Variants in RAB44 observed in about 807,000 individuals in gnomAD.
RAB44 encodes the protein RAB44, member RAS oncogene family.
A neutral mutation model predicts 93.3 loss-of-function variants in RAB44; 67 were observed. That is an observed-to-expected ratio of 0.72 (90% CI 0.59 to 0.88). The LOEUF (loss-of-function observed/expected upper bound fraction) is 0.88. Among genes scored for constraint, RAB44 ranks in the 40% least tolerant of loss-of-function variants. RAB44 has a pLI of 0.00. For missense variants in RAB44, 1,064 were observed against 1,261.7 expected, an observed-to-expected ratio of 0.84 and a Z score of 2.37; for synonymous variants, 427 against 520.3, an observed-to-expected ratio of 0.82 and a Z score of 2.44.
At chr6:36,699,552 C>T (rs1380209277) in intron 1 of RAB44, among the ~76,000 whole-genome samples, 1 of 152,186 alleles carries the variant, frequency 6.6e-6, no homozygotes, top group African/African-American at 2.4e-5. Context: ...CACCCCGTTC[C>T]AAAGCCCTTG....
At chr6:36,704,552 A>G (rs1762596902) in intron 2 of RAB44, 110 bp downstream of exon 2, 2 of 988,610 alleles carry the variant, frequency 2.0e-6, no homozygotes, top group Admixed American at 2.3e-5. Flanking sequence ...CCTTTCTCTC[A>G]TTTAGAGCTC....
rs753671581 is a variant in RAB44 at position 36,701,024 on chromosome 6, C to G, written c.-13+3109C>G. Among the ~76,000 whole-genome samples the G allele has an allele frequency of 7.2e-5, 11 of 152,300 alleles. No individual in the cohort carries two copies. In the East Asian group the frequency reaches 2.1e-3, roughly 29 times the overall value. On this transcript the variant is annotated intron_variant, in intron 1 of 13. Coordinates refer to ENST00000612677, the MANE Select transcript of RAB44 (RefSeq NM_001257357.2). ...GGGGTGAGAGATACCGCGTGAAGGCCAGTTAGATTAGCATGGGGACTTCCC... is the reference window on the plus strand; with the variant it reads ...GGGGTGAGAGATACCGCGTGAAGGCGAGTTAGATTAGCATGGGGACTTCCC...
At chr6:36,711,504 A>T (rs1054550259) in intron 2 of RAB44, among the ~76,000 whole-genome samples, 1 of 152,214 alleles carries the variant, frequency 6.6e-6, no homozygotes. Context: ...CATGTTAATT[A>T]TATGGACCTG....
intron 1 of RAB44, among the ~76,000 whole-genome samples, chr6:36,703,844 G>T (rs1762571600): frequency 6.6e-6 from 1 of 152,146 alleles, no homozygotes; most frequent in Non-Finnish European, 1.5e-5. Flanking sequence ...CTAGATCCTG[G>T]AAAACCCTGT....
At chr6:36,708,750 T>A (rs1006469617) in intron 2 of RAB44, among the ~76,000 whole-genome samples, 1 of 152,058 alleles carries the variant, frequency 6.6e-6, no homozygotes, top group Non-Finnish European at 1.5e-5. Flanking sequence ...AGATAGGGAA[T>A]CTCTGTTATC....
chr6:36,702,338 G>GAGA (rs1201118344), intron 1 of RAB44, among the ~76,000 whole-genome samples: 2,728 of 57,696 alleles, frequency 0.047, 29 homozygotes, highest in East Asian at 0.15. Flanking sequence ...GAGAGAGAGA[G>GAGA]AATGTACTTC....
chr6:36,712,616 C>T (rs569194115), intron 2 of RAB44, among the ~76,000 whole-genome samples: 3 of 152,152 alleles, frequency 2.0e-5, no homozygotes, highest in Non-Finnish European at 4.4e-5. Flanking sequence ...CTGCCCGCCT[C>T]GGCCTCTCAA....
intron 10 of RAB44, among the ~76,000 whole-genome samples, chr6:36,727,288 ATATT>A: frequency 6.6e-6 from 1 of 152,224 alleles, no homozygotes; most frequent in Non-Finnish European, 1.5e-5. Context: ...CTCTGGAAAA[ATATT>A]TAAGAAACTG....
Position 36,725,852 on chromosome 6 carries a change from T to G in RAB44, c.2600-10T>G, listed in dbSNP as rs1321596934. On this transcript the variant is annotated splice_polypyrimidine_tract_variant and intron_variant, in intron 9 of 13. Transcript: ENST00000612677. ...ACTTAGTAGGCTTCACCCCTCTCTATGTGTCCTAGGAGTAGATTTTCGGGT... is the reference window on the plus strand; with the variant it reads ...ACTTAGTAGGCTTCACCCCTCTCTAGGTGTCCTAGGAGTAGATTTTCGGGT... The G allele has an allele frequency of 1.9e-6, 3 of 1,548,196 alleles. No individual in the cohort carries two copies. The Admixed American group carries it at 5.9e-5, about 30-fold the overall frequency.
Position 36,722,660 on chromosome 6 carries a change from C to T in RAB44, c.2526C>T (p.Ser842=). Reference sequence around the variant, plus strand: ...TCCATGTCATCTTTCTGGGAGACTCCAACGTGGGCAAAACATCCTTCCTGC... The same window carrying T: ...TCCATGTCATCTTTCTGGGAGACTCTAACGTGGGCAAAACATCCTTCCTGC... ...YLFHVIFLGD[S]NVGKTSFLHL... The change falls in exon 9 of 14, where the codon TCC becomes TCT. Residue 842 remains serine, a synonymous_variant. Coordinates refer to ENST00000612677, the MANE Select transcript of RAB44 (RefSeq NM_001257357.2). The T allele has an allele frequency of 1.3e-6, 2 of 1,550,670 alleles. No individual in the cohort carries two copies. Among genetic ancestry groups the T allele is most frequent in the Non-Finnish European group, 1.7e-6 (2 of 1,147,012 alleles).
Position 36,704,095 on chromosome 6 carries a change from C to T in RAB44, c.-12-129C>T, listed in dbSNP as rs541729729. On this transcript the variant is annotated intron_variant, in intron 1 of 13. Coordinates refer to ENST00000612677, the MANE Select transcript of RAB44 (RefSeq NM_001257357.2). ...CGAGGTCAGAGGACCCGGCGGGACA[C>T]CATCAGGCCGGGCTTTGGCAGCCAC... The T allele has an allele frequency of 1.6e-5, 13 of 808,726 alleles. No homozygotes were observed. In the African/African-American group the frequency reaches 1.7e-4, roughly 11 times the overall value. 50.1% of individuals were successfully genotyped at this position (808,726 alleles called of 1,614,324 possible). A position where few individuals can be genotyped will look rare whatever the true frequency, so the allele number is the denominator to read the frequency against.
intron 3 of RAB44, among the ~76,000 whole-genome samples, chr6:36,714,232 C>T (rs1582624327): frequency 6.6e-6 from 1 of 152,194 alleles, no homozygotes; most frequent in East Asian, 1.9e-4. Flanking sequence ...AACATTGTGG[C>T]TTTGGTTAAG....
chr6:36,719,002 C>T (rs1450293537), intron 7 of RAB44, among the ~76,000 whole-genome samples: 1 of 152,046 alleles, frequency 6.6e-6, no homozygotes, highest in Admixed American at 6.5e-5. Flanking sequence ...CCTCAGTTCA[C>T]CTCAGGAGAA....
chr6:36,717,204 G>A lies in RAB44; in HGVS notation c.495-69G>A. 1 of 1,223,156 alleles carries A rather than the reference G, an allele frequency of 8.2e-7. No individual in the cohort carries two copies. Among genetic ancestry groups the A allele is most frequent in the Non-Finnish European group, 1.0e-6 (1 of 980,320 alleles). 75.8% of individuals were successfully genotyped at this position (1,223,156 alleles called of 1,614,324 possible). ...CGCTGCAGTGAAAACTGAGGAGTGG[G>A]GCTCCCCTTGCTTCTCCATCCCACC... On this transcript the variant is annotated intron_variant, in intron 4 of 13. Coordinates refer to ENST00000612677, the MANE Select transcript of RAB44 (RefSeq NM_001257357.2). The surrounding 1 kb of genome is among the most constrained non-coding windows in gnomAD (Gnocchi z 4.1).
chr6:36,698,643 C>G (rs1472318327), intron 1 of RAB44, among the ~76,000 whole-genome samples: 3 of 152,094 alleles, frequency 2.0e-5, no homozygotes, highest in African/African-American at 7.2e-5. Flanking sequence ...GGGTCCCCCA[C>G]TCTTAAGGAC....
intron 2 of RAB44, 55 bp downstream of exon 2, chr6:36,704,497 C>A: frequency 6.8e-7 from 1 of 1,472,070 alleles, no homozygotes; most frequent in Non-Finnish European, 9.2e-7. Context: ...GCTCCTGACA[C>A]CCCCTCTCCC....
intron 9 of RAB44, among the ~76,000 whole-genome samples, chr6:36,724,652 TCAAC>T (rs76700851): frequency 0.036 from 5,329 of 148,906 alleles, 107 homozygotes; most frequent in African/African-American, 0.06. Flanking sequence ...AACCAACCAA[TCAAC>T]CAACCAACCA....
At position 36,717,386 on chromosome 6, in the gene RAB44, C is replaced by A. The variant is rs1284323979; in HGVS notation, c.608C>A (p.Ala203Glu). The A allele has an allele frequency of 1.6e-6, 2 of 1,232,108 alleles. No homozygotes were observed. The highest frequency in any genetic ancestry group is 2.0e-6 in the Non-Finnish European group (2 of 988,054). 76.3% of individuals were successfully genotyped at this position (1,232,108 alleles called of 1,614,324 possible). A position where few individuals can be genotyped will look rare whatever the true frequency, so the allele number is the denominator to read the frequency against. Residue 203 changes from alanine (A) to glutamate (E), a missense_variant, in exon 5 of 14, where the codon GCG becomes GAG. Ala to Glu is a moderately radical substitution (Grantham distance 107). Coordinates refer to ENST00000612677, the MANE Select transcript of RAB44 (RefSeq NM_001257357.2). The surrounding 1 kb of genome is among the most constrained non-coding windows in gnomAD (Gnocchi z 4.1). Reference sequence around the variant, plus strand: ...ACCAGCCGCCTGCAGGAGGCCCAGGCGGACAAGGAGGCCCTGGAGCTGACC... The same window carrying A: ...ACCAGCCGCCTGCAGGAGGCCCAGGAGGACAAGGAGGCCCTGGAGCTGACC... ...KMTSRLQEAQ[A>E]DKEALELTLR...
chr6:36,716,239 G>A (rs1762917849), intron 4 of RAB44, among the ~76,000 whole-genome samples: 1 of 152,158 alleles, frequency 6.6e-6, no homozygotes, highest in Non-Finnish European at 1.5e-5. Flanking sequence ...GGAGGCTGAG[G>A]CGGGTGGATC....
Sources: gnomAD v4.1 joint callset for allele counts (sites outside exome capture counted in the v4.1 genomes callset) on GRCh38, gnomAD v4.1.1 for gene constraint, Gnocchi (gnomAD v3.1) non-coding constraint, MANE v1.5 for transcripts, NCBI Gene and HGNC (gene_info 2026-07-23, HGNC 2026-07-21) for gene names.